Variants in ECPAS observed in about 807,000 individuals in gnomAD.
The protein encoded by ECPAS is Ecm29 proteasome adaptor and scaffold.
In ECPAS, 70 loss-of-function variants were observed where a neutral mutation model predicts 255.1. The ratio of observed to expected loss-of-function variants is 0.27; its 90% CI spans 0.23 to 0.33. The LOEUF (loss-of-function observed/expected upper bound fraction) is 0.33. Among genes scored for constraint, ECPAS ranks in the 10% least tolerant of loss-of-function variants. ECPAS has a pLI of 1.00. For missense variants in ECPAS, 1,817 were observed against 2,206.4 expected, an observed-to-expected ratio of 0.82 and a Z score of 3.54; for synonymous variants, 784 against 775.0, an observed-to-expected ratio of 1.01 and a Z score of -0.19.
chr9:111,412,742 T>TA lies in ECPAS; in HGVS notation c.2080-595dup, dbSNP rs545903300. On this transcript the variant is annotated intron_variant, in intron 20 of 49. Transcript: ENST00000684092. ...AAAATCAGTCAATATTCATAAGAAATAAAAAAACCTTTTTAAACTAAAAGC... is the reference window on the plus strand; with the variant it reads ...AAAATCAGTCAATATTCATAAGAAATAAAAAAAACCTTTTTAAACTAAAAGC... Among the ~76,000 whole-genome samples, 72 of 152,206 alleles carry TA rather than the reference T, an allele frequency of 4.7e-4. No individual in the cohort carries two copies. In the East Asian group the frequency reaches 6.9e-3, roughly 15 times the overall value.
chr9:111,382,286 CAG>C (rs1260596741), intron 35 of ECPAS, among the ~76,000 whole-genome samples: 1 of 110,094 alleles, frequency 9.1e-6, no homozygotes, highest in Non-Finnish European at 1.8e-5. Context: ...TTTTTTGAGA[CAG>C]AGTTTCGTTC....
At chr9:111,418,867 T>C (rs1417009577) in intron 16 of ECPAS, among the ~76,000 whole-genome samples, 1 of 151,988 alleles carries the variant, frequency 6.6e-6, no homozygotes, top group East Asian at 1.9e-4. Flanking sequence ...GAAACTAACG[T>C]AAAAAAATTA....
rs566270536 is a variant in ECPAS, at chr9:111,423,109, G to A, written c.1265+90C>T. 2.1e-5 allele frequency: 19 copies of A among 903,148 alleles called. No individual in the cohort carries two copies. In the Admixed American group the frequency reaches 2.8e-4, roughly 13 times the overall value. 55.9% of individuals were successfully genotyped at this position (903,148 alleles called of 1,614,324 possible). On this transcript the variant is annotated intron_variant, in intron 13 of 49. Coordinates refer to ENST00000684092, the MANE Select transcript of ECPAS (RefSeq NM_001364929.1). ...TAAATACATTCCCTTTCAGAATCAC[G>A]ACAAATTTATTCTCCGCCATTATTA...
intron 18 of ECPAS, among the ~76,000 whole-genome samples, chr9:111,415,420 CCAGA>C (rs1254237937): frequency 6.6e-6 from 1 of 152,102 alleles, no homozygotes; most frequent in Non-Finnish European, 1.5e-5. Flanking sequence ...CTGATATAGA[CCAGA>C]CACAGTGGCT....
chr9:111,438,208 C>T (rs541170788), intron 6 of ECPAS, among the ~76,000 whole-genome samples: 3 of 152,176 alleles, frequency 2.0e-5, no homozygotes, highest in African/African-American at 7.2e-5. Flanking sequence ...GCCATCATCA[C>T]CTGTCATTCT....
At position 111,423,261 on chromosome 9, in the gene ECPAS, AAAAGAAAAG is replaced by A. The variant is rs750932118; in HGVS notation, c.1216-22_1216-14del. 8.2e-4 allele frequency: 1,255 copies of A among 1,532,744 alleles called. 2 individuals carry two copies. Among genetic ancestry groups the A allele is most frequent in the African/African-American group, 3.7e-3 (269 of 72,486 alleles). 94.9% of individuals were successfully genotyped at this position (1,532,744 alleles called of 1,614,324 possible). A position where few individuals can be genotyped will look rare whatever the true frequency, so the allele number is the denominator to read the frequency against. On this transcript the variant is annotated splice_polypyrimidine_tract_variant and intron_variant, in intron 12 of 49. Transcript: ENST00000684092. ...GTAGTTTAGGGTCCTTGAAATTAAA[AAAAGAAAAG>A]AAAGAAAAGAAAGAACAAAAAACAG...
rs749825575 is a variant in ECPAS at position 111,372,425 on chromosome 9, TA to T, written c.4528+3del. Reference sequence around the variant, plus strand: ...GCAGGTTTAACTCAGGCCACACTACTAACCAGGTACGTTTTCCTGCCACACT... The same window carrying T: ...GCAGGTTTAACTCAGGCCACACTACTACCAGGTACGTTTTCCTGCCACACT... On this transcript the variant is annotated splice_donor_region_variant and intron_variant, in intron 42 of 49. Coordinates refer to ENST00000684092, the MANE Select transcript of ECPAS (RefSeq NM_001364929.1). 3 of 1,613,106 alleles carry T rather than the reference TA, an allele frequency of 1.9e-6. No individual in the cohort carries two copies. In the Admixed American group the frequency reaches 5.0e-5, roughly 27 times the overall value.
At position 111,427,433 on chromosome 9, in the gene ECPAS, C is replaced by T. The variant is rs181153837; in HGVS notation, c.1050+609G>A. On this transcript the variant is annotated intron_variant, in intron 10 of 49. Transcript: ENST00000684092. ...ATACCATTTTTGGAGAAAAGCCACA[C>T]ATAAAAAAAAACCTTGTCTGAAAGG... 2.0e-3 allele frequency among the ~76,000 whole-genome samples: 298 copies of T among 151,690 alleles called. 3 individuals carry two copies. Among genetic ancestry groups the T allele is most frequent in the Non-Finnish European group, 2.9e-3 (194 of 67,882 alleles).
chr9:111,423,350 T>C, intron 12 of ECPAS, 102 bp from the exon 13 acceptor site: 1 of 769,474 alleles, frequency 1.3e-6, no homozygotes, highest in South Asian at 1.6e-5. Context: ...TTACATGCAT[T>C]ATTTTACTCC....
At chr9:111,429,246 G>C (rs2098226231) in intron 9 of ECPAS, among the ~76,000 whole-genome samples, 1 of 151,760 alleles carries the variant, frequency 6.6e-6, no homozygotes, top group Non-Finnish European at 1.5e-5. Context: ...CTTAAGTAAA[G>C]CTGAGTTTTA....
chr9:111,414,345 T>C (rs1376457820), intron 19 of ECPAS, 84 bp downstream of exon 19: 1 of 1,169,424 alleles, frequency 8.6e-7, no homozygotes, highest in Non-Finnish European at 1.2e-6. Flanking sequence ...AAAGAATAAT[T>C]TTGCTATAAA....
intron 2 of ECPAS, among the ~76,000 whole-genome samples, chr9:111,470,123 G>A (rs557601019): frequency 1.3e-5 from 2 of 152,216 alleles, no homozygotes; most frequent in Non-Finnish European, 2.9e-5. Flanking sequence ...CCTGCTGATG[G>A]AGTCCTTTGC....
At chr9:111,426,990 G>A (rs1473290325) in intron 10 of ECPAS, among the ~76,000 whole-genome samples, 3 of 151,890 alleles carry the variant, frequency 2.0e-5, no homozygotes, top group Non-Finnish European at 4.4e-5. Context: ...ACCACAAAAA[G>A]ATATGGGACA....
rs1344422682 is a variant in ECPAS at position 111,440,520 on chromosome 9, A to C, written c.391T>G (p.Leu131Val). ...AGGGTTGGTATTAAAAGATGCATTA[A>C]GCTGAAAAAACAATTACATTTATTG... ...EGKPQPQQDS[L>V]MHLLIPTLFH... The change falls in exon 6 of 50, where the codon TTA becomes GTA. Residue 131 changes from leucine to valine, a missense_variant and splice_region_variant. Leu to Val is a conservative substitution (Grantham distance 32). This residue lies in a region of ECPAS where 573 missense variants were observed against 716.2 expected (regional missense o/e 0.80). Transcript: ENST00000684092. 2 of 1,581,242 alleles carry C rather than the reference A, an allele frequency of 1.3e-6. No individual in the cohort carries two copies. Among genetic ancestry groups the C allele is most frequent in the East Asian group, 4.5e-5 (2 of 44,338 alleles).
rs200787710 is a variant in ECPAS, at chr9:111,464,270, C to CAA, written c.22+8625_22+8626dup. ...CAACATGACAAAACTCCATCTCTAC[C>CAA]AAAAAAAAAAAAAAAAATTAGCCAG... On this transcript the variant is annotated intron_variant, in intron 2 of 49. Coordinates refer to ENST00000684092, the MANE Select transcript of ECPAS (RefSeq NM_001364929.1). 3.9e-3 allele frequency among the ~76,000 whole-genome samples: 486 copies of CAA among 124,240 alleles called. 4 individuals carry two copies. Among genetic ancestry groups the CAA allele is most frequent in the African/African-American group, 0.013 (448 of 33,924 alleles). The allele number at this position is 124,240 out of a possible 152,430, so 81.5% of individuals were successfully genotyped here.
chr9:111,400,101 C>T (rs1253903414), intron 24 of ECPAS, among the ~76,000 whole-genome samples: 2 of 152,218 alleles, frequency 1.3e-5, no homozygotes, highest in African/African-American at 4.8e-5. Context: ...GAGCAAGAAA[C>T]TTTGCCTGGG....
In ECPAS at chr9:111,481,063, T is replaced by C. The variant is rs183262509; in HGVS notation, c.-83+3053A>G. ...ACTCAGATGTCATACAGCATAGCAA[T>C]TGAAAAAAAATCAGACCACCTCACA... On this transcript the variant is annotated intron_variant, in intron 1 of 49. Coordinates refer to ENST00000684092, the MANE Select transcript of ECPAS (RefSeq NM_001364929.1). 4.1e-3 allele frequency among the ~76,000 whole-genome samples: 623 copies of C among 152,300 alleles called. 4 individuals carry two copies. The highest frequency in any genetic ancestry group is 0.014 in the African/African-American group (568 of 41,566).
intron 24 of ECPAS, among the ~76,000 whole-genome samples, chr9:111,399,746 C>T (rs1338729677): frequency 6.6e-6 from 1 of 152,224 alleles, no homozygotes; most frequent in African/African-American, 2.4e-5. Context: ...GTCCGAAAGC[C>T]CCACTTCCAG....
chr9:111,415,353 C>T (rs2098201727), intron 18 of ECPAS, among the ~76,000 whole-genome samples: 1 of 151,904 alleles, frequency 6.6e-6, no homozygotes, highest in Non-Finnish European at 1.5e-5. Flanking sequence ...ACACAAGAAT[C>T]TGAGAAAATG....
Sources: allele counts gnomAD v4.1 joint callset (sites outside exome capture counted in the v4.1 genomes callset), GRCh38; gene constraint gnomAD v4.1.1; regional missense constraint gnomAD v4.1.1; transcripts MANE v1.5; gene names NCBI Gene and HGNC (gene_info 2026-07-23, HGNC 2026-07-21).